SYNPR: variants seen among roughly 807,000 people sequenced by gnomAD.
SYNPR encodes the protein synaptoporin.
In SYNPR, 23 loss-of-function variants were observed where a neutral mutation model predicts 32.9. That is an observed-to-expected ratio of 0.70 (90% confidence interval 0.50 to 0.99). The LOEUF (loss-of-function observed/expected upper bound fraction) is 0.99. Among genes scored for constraint, SYNPR ranks in the 50% least tolerant of loss-of-function variants. The pLI is 0.00. For synonymous variants in SYNPR, 146 were observed against 135.9 expected, an observed-to-expected ratio of 1.07 and a Z score of -0.52; for missense variants, 318 against 349.3, an observed-to-expected ratio of 0.91 and a Z score of 0.71.
At chr3:63,393,266 A>G (rs2088163864) in intron 2 of SYNPR, among the ~76,000 whole-genome samples, 1 of 152,202 alleles carries the variant, frequency 6.6e-6, no homozygotes, top group Non-Finnish European at 1.5e-5. Context: ...CTTAAAAAAC[A>G]GTCTCATACA....
intron 5 of SYNPR, among the ~76,000 whole-genome samples, chr3:63,614,914 G>C (rs1041853234): frequency 6.6e-6 from 1 of 152,188 alleles, no homozygotes; most frequent in Admixed American, 6.5e-5. Flanking sequence ...TACTCAGCAA[G>C]CCACGCGACC....
chr3:63,231,487 A>G (rs1045833395), intron 1 of SYNPR, among the ~76,000 whole-genome samples: 1 of 152,184 alleles, frequency 6.6e-6, no homozygotes, highest in African/African-American at 2.4e-5. Flanking sequence ...ATAAAAGTTT[A>G]AAAAGGGGGA....
chr3:63,255,023 G>A (rs1031283144), intron 2 of SYNPR, among the ~76,000 whole-genome samples: 8 of 152,040 alleles, frequency 5.3e-5, no homozygotes, highest in African/African-American at 1.7e-4. Context: ...TCACAACAGC[G>A]AGAAAATACA....
At chr3:63,354,811 C>T (rs1401117182) in intron 2 of SYNPR, among the ~76,000 whole-genome samples, 1 of 152,166 alleles carries the variant, frequency 6.6e-6, no homozygotes, top group Non-Finnish European at 1.5e-5. Flanking sequence ...CAGAATAGAG[C>T]CTGCTTTATG....
At chr3:63,479,446 G>GCGCGCACACACACACACACACACACA (rs6147854) in intron 2 of SYNPR, among the ~76,000 whole-genome samples, 4 of 135,852 alleles carry the variant, frequency 2.9e-5, no homozygotes, top group African/African-American at 1.2e-4. Context: ...CCACACACAT[G>GCGCGCACACACACACACACACACACA]CACACACACA....
intron 4 of SYNPR, among the ~76,000 whole-genome samples, chr3:63,573,312 G>A (rs959975784): frequency 6.6e-6 from 1 of 152,138 alleles, no homozygotes; most frequent in African/African-American, 2.4e-5. Context: ...AGCTCAAACT[G>A]AGCAGCTAAC....
chr3:63,246,601 AT>A (rs1023577488), intron 1 of SYNPR, among the ~76,000 whole-genome samples: 14 of 152,098 alleles, frequency 9.2e-5, no homozygotes, highest in Non-Finnish European at 1.5e-4. Flanking sequence ...AAAAGTTCTC[AT>A]TGATAAAGTG....
intron 2 of SYNPR, among the ~76,000 whole-genome samples, chr3:63,253,880 C>T (rs541938019): frequency 2.2e-4 from 34 of 152,198 alleles, no homozygotes; most frequent in Admixed American, 1.1e-3. Context: ...ATGTTTATTG[C>T]GGCACTATTC....
chr3:63,454,121 G>C (rs1210458419), intron 2 of SYNPR, among the ~76,000 whole-genome samples: 2 of 152,084 alleles, frequency 1.3e-5, no homozygotes, highest in Non-Finnish European at 2.9e-5. Flanking sequence ...ATGCAGTAGT[G>C]TTATATGCTA....
intron 3 of SYNPR, among the ~76,000 whole-genome samples, chr3:63,482,227 A>G (rs1325062908): frequency 6.6e-6 from 1 of 152,174 alleles, no homozygotes; most frequent in African/African-American, 2.4e-5. Context: ...CAAGACTACA[A>G]ATTCAAATGA....
chr3:63,471,838 T>C (rs1343741898), intron 2 of SYNPR, among the ~76,000 whole-genome samples: 1 of 152,166 alleles, frequency 6.6e-6, no homozygotes, highest in Non-Finnish European at 1.5e-5. Flanking sequence ...TGGGCCTCTT[T>C]AACCTATGAG....
At chr3:63,270,249 C>G (rs559113855) in intron 3 of SYNPR, among the ~76,000 whole-genome samples, 1 of 152,146 alleles carries the variant, frequency 6.6e-6, no homozygotes, top group African/African-American at 2.4e-5. Flanking sequence ...TATGGACCAC[C>G]AGACATGACT....
chr3:63,556,735 A>C lies in SYNPR; in HGVS notation c.402A>C (p.Pro134=). Residue 134 remains proline, a synonymous_variant, in exon 4 of 6, where the codon CCA becomes CCC. Coordinates refer to ENST00000478300, the MANE Select transcript of SYNPR (RefSeq NM_001130003.2). ...AATACCGGGAAAACAACCGGGGCCC[A>C]CTCATTGTAAGTGGTTTTCTTTTTC... ...QNKYRENNRG[P]LIDFIVTVVF... is the part of the protein sequence containing the mutation. 6.2e-7 allele frequency: 1 copy of C among 1,604,090 alleles called. No homozygotes were observed. The highest frequency in any genetic ancestry group is 8.5e-7 in the Non-Finnish European group (1 of 1,175,318).
intron 3 of SYNPR, among the ~76,000 whole-genome samples, chr3:63,551,738 G>T (rs1702504157): frequency 6.6e-6 from 1 of 151,924 alleles, no homozygotes; most frequent in Non-Finnish European, 1.5e-5. Context: ...ATCTTACCTT[G>T]GCTACCCCAC....
chr3:63,404,915 G>T (rs775426644), intron 2 of SYNPR, among the ~76,000 whole-genome samples: 6 of 152,116 alleles, frequency 3.9e-5, no homozygotes, highest in Non-Finnish European at 5.9e-5. Flanking sequence ...GAAGGGAGTG[G>T]CATTGCACTA....
chr3:63,290,834 G>A (rs1379081259), intron 2 of SYNPR, among the ~76,000 whole-genome samples: 1 of 152,178 alleles, frequency 6.6e-6, no homozygotes, highest in African/African-American at 2.4e-5. Flanking sequence ...TGCTTTAACA[G>A]GAAGTTCTCA....
intron 3 of SYNPR, among the ~76,000 whole-genome samples, chr3:63,546,634 T>C (rs1702408421): frequency 6.6e-6 from 1 of 152,104 alleles, no homozygotes; most frequent in Non-Finnish European, 1.5e-5. Context: ...TATTTATTAT[T>C]ACCCTCCTTA....
chr3:63,310,540 A>G (rs2086953860), intron 2 of SYNPR, among the ~76,000 whole-genome samples: 1 of 151,984 alleles, frequency 6.6e-6, no homozygotes, highest in South Asian at 2.1e-4. Flanking sequence ...CCTATTTCAT[A>G]TAGATTCTTG....
intron 4 of SYNPR, among the ~76,000 whole-genome samples, chr3:63,585,939 A>G (rs1476643325): frequency 6.6e-6 from 1 of 152,102 alleles, no homozygotes; most frequent in African/African-American, 2.4e-5. Flanking sequence ...GAATAAAAAC[A>G]TCTATGAATC....
Sources: allele counts gnomAD v4.1 joint callset (sites outside exome capture counted in the v4.1 genomes callset), GRCh38; gene constraint gnomAD v4.1.1; transcripts MANE v1.5; gene names NCBI Gene and HGNC (gene_info 2026-07-23, HGNC 2026-07-21).